Variants in MACROD2 observed in about 807,000 individuals in gnomAD.
MACROD2 encodes mono-ADP ribosylhydrolase 2.
Under a neutral mutation model 70.4 loss-of-function variants are expected in MACROD2, and 36 were observed. That is an observed-to-expected ratio of 0.51 (90% CI 0.39 to 0.68). MACROD2 has a LOEUF of 0.68. Ranked by LOEUF, MACROD2 falls within the 30% of genes least tolerant of loss-of-function variation. The pLI is 0.00. For missense variants in MACROD2, 496 were observed against 538.4 expected (o/e 0.92, Z 0.78); for synonymous variants, 172 against 178.8 (o/e 0.96, Z 0.30).
chr20:15,623,174 C>G (rs2146734088), intron 8 of MACROD2, among the ~76,000 whole-genome samples: 1 of 152,240 alleles, frequency 6.6e-6, no homozygotes, highest in East Asian at 1.9e-4. Flanking sequence ...ATATGACTTG[C>G]ACCTGTCTGG....
chr20:14,196,084 T>C (rs1166421928), intron 3 of MACROD2, among the ~76,000 whole-genome samples: 1 of 152,164 alleles, frequency 6.6e-6, no homozygotes, highest in Non-Finnish European at 1.5e-5. Context: ...CCTGCCCGTC[T>C]GTATGCTCCC....
rs541123774 is a variant in MACROD2, at chr20:15,368,755, G to T, written c.541-62650G>T. 2.0e-4 allele frequency among the ~76,000 whole-genome samples: 30 copies of T among 152,040 alleles called. No individual in the cohort carries two copies. The East Asian group carries it at 5.8e-3, about 29-fold the overall frequency. On this transcript the variant is annotated intron_variant, in intron 6 of 17. Transcript: ENST00000684519. ...TGGGATTACAGGCGTGAGCCACCAC[G>T]CCCGGCCCAATCACAAACTTTTTTT...
At chr20:14,271,585 G>A (rs913106268) in intron 3 of MACROD2, among the ~76,000 whole-genome samples, 10 of 152,262 alleles carry the variant, frequency 6.6e-5, no homozygotes, top group Middle Eastern at 3.4e-3. Flanking sequence ...AAAACAGAGC[G>A]CCTTTCCTCC....
intron 2 of MACROD2, among the ~76,000 whole-genome samples, chr20:14,030,175 A>T (rs1190964270): frequency 6.6e-6 from 1 of 152,176 alleles, no homozygotes; most frequent in Admixed American, 6.6e-5. Context: ...AGTAGCTAGG[A>T]CTACGGAAAC....
chr20:15,127,892 C>G (rs115588027), intron 5 of MACROD2, among the ~76,000 whole-genome samples: 26 of 152,074 alleles, frequency 1.7e-4, no homozygotes, highest in African/African-American at 6.0e-4. Context: ...GGACAACTAA[C>G]CCACCAACCT....
At chr20:14,431,478 A>G (rs572519758) in intron 3 of MACROD2, among the ~76,000 whole-genome samples, 1 of 152,316 alleles carries the variant, frequency 6.6e-6, no homozygotes, top group Admixed American at 6.5e-5. Context: ...ATTTCACAAA[A>G]TTGTTTTATG....
chr20:15,004,180 C>G (rs2075017967), intron 5 of MACROD2, among the ~76,000 whole-genome samples: 1 of 152,206 alleles, frequency 6.6e-6, no homozygotes, highest in African/African-American at 2.4e-5. Flanking sequence ...CTATTAAACT[C>G]TTTCAACTAC....
At chr20:15,669,587 A>G (rs1732368817) in intron 8 of MACROD2, among the ~76,000 whole-genome samples, 1 of 152,202 alleles carries the variant, frequency 6.6e-6, no homozygotes, top group Non-Finnish European at 1.5e-5. Context: ...TCCTATGATT[A>G]GGTTTAAGCC....
chr20:14,874,144 C>T (rs2073521586), intron 5 of MACROD2, among the ~76,000 whole-genome samples: 1 of 151,780 alleles, frequency 6.6e-6, no homozygotes, highest in Non-Finnish European at 1.5e-5. Flanking sequence ...ATTGAAACAG[C>T]TTTGTTTAAT....
intron 3 of MACROD2, among the ~76,000 whole-genome samples, chr20:14,171,100 A>G (rs542982728): frequency 1.1e-4 from 17 of 152,166 alleles, no homozygotes; most frequent in Admixed American, 9.2e-4. Flanking sequence ...GAATTTGTCC[A>G]TCTTTTCTAG....
At position 14,549,287 on chromosome 20, in the gene MACROD2, G is replaced by A. The variant is rs1198858337; in HGVS notation, c.301+55779G>A. Among the ~76,000 whole-genome samples, 4 of 152,226 alleles carry A rather than the reference G, an allele frequency of 2.6e-5. No individual in the cohort carries two copies. In the East Asian group the frequency reaches 7.7e-4, roughly 29 times the overall value. ...ACTTAAGAAGGTAGTTTCTTCATAT[G>A]TTCTTTGACCCCTTTAACTGTTAAT... is the stretch of plus-strand genomic sequence containing the variant. On this transcript the variant is annotated intron_variant, in intron 4 of 17. Coordinates refer to ENST00000684519, the MANE Select transcript of MACROD2 (RefSeq NM_001351661.2).
intron 2 of MACROD2, among the ~76,000 whole-genome samples, chr20:14,030,204 A>AT (rs1271547066): frequency 6.6e-6 from 1 of 151,882 alleles, no homozygotes; most frequent in Non-Finnish European, 1.5e-5. Flanking sequence ...ACTTGTGGCT[A>AT]TTTTTTTATT....
chr20:15,402,553 T>G (rs529059972), intron 6 of MACROD2, among the ~76,000 whole-genome samples: 29 of 152,326 alleles, frequency 1.9e-4, no homozygotes, highest in Admixed American at 1.7e-3. Context: ...TCAAATATTT[T>G]TCATGATTAT....
chr20:14,050,032 G>GCCGAGAT (rs1379048783), intron 2 of MACROD2, among the ~76,000 whole-genome samples: 1 of 150,290 alleles, frequency 6.7e-6, no homozygotes, highest in East Asian at 2.0e-4. Flanking sequence ...GTTGCAGTGA[G>GCCGAGAT]CCGAGATCGC....
At chr20:15,516,404 G>C (rs539869250) in intron 8 of MACROD2, among the ~76,000 whole-genome samples, 1 of 152,040 alleles carries the variant, frequency 6.6e-6, no homozygotes. Flanking sequence ...CACACCCTAG[G>C]CATTGCACAC....
intron 15 of MACROD2, among the ~76,000 whole-genome samples, chr20:16,004,735 C>T (rs2066764245): frequency 6.6e-6 from 1 of 152,238 alleles, no homozygotes; most frequent in Non-Finnish European, 1.5e-5. Context: ...GTGTTAGCAG[C>T]TTAACTCTTT....
intron 5 of MACROD2, among the ~76,000 whole-genome samples, chr20:15,064,707 C>T (rs1177649815): frequency 6.6e-6 from 1 of 152,222 alleles, no homozygotes; most frequent in African/African-American, 2.4e-5. Context: ...TACAGATGTG[C>T]ATAGGAGCTC....
At chr20:15,542,646 TG>T (rs143092008) in intron 8 of MACROD2, among the ~76,000 whole-genome samples, 1,932 of 152,332 alleles carry the variant, frequency 0.013, 39 homozygotes, top group African/African-American at 0.043. Context: ...AACACTTGAC[TG>T]ATCTTTGACT....
intron 3 of MACROD2, among the ~76,000 whole-genome samples, chr20:14,182,160 T>C (rs1413336569): frequency 2.0e-5 from 3 of 152,182 alleles, no homozygotes; most frequent in Non-Finnish European, 4.4e-5. Context: ...TAATTTTCCA[T>C]TAAAGGAAAA....
Sources: allele counts gnomAD v4.1 joint callset (sites outside exome capture counted in the v4.1 genomes callset), GRCh38; gene constraint gnomAD v4.1.1; transcripts MANE v1.5; gene names NCBI Gene and HGNC (gene_info 2026-07-23, HGNC 2026-07-21).